ZBTB8A: variants seen among roughly 807,000 people sequenced by gnomAD.
The protein encoded by ZBTB8A is zinc finger and BTB domain-containing protein 8A.
A neutral mutation model predicts 37.8 loss-of-function variants in ZBTB8A; 19 were observed. The observed-to-expected ratio is 0.50, with a 90% confidence interval of 0.35 to 0.74. The LOEUF (loss-of-function observed/expected upper bound fraction) is 0.74, where lower values mean the gene tolerates loss of function less well. Among genes scored for constraint, ZBTB8A ranks in the 30% least tolerant of loss-of-function variants. The pLI is 0.01. For synonymous variants in ZBTB8A, 181 were observed against 185.2 expected (o/e 0.98, Z 0.19); for missense variants, 394 against 537.8 (o/e 0.73, Z 2.65).
chr1:32,589,107 A>G (rs1446884203), intron 2 of ZBTB8A, among the ~76,000 whole-genome samples: 1 of 152,140 alleles, frequency 6.6e-6, no homozygotes, highest in East Asian at 1.9e-4. Flanking sequence ...GTTCCAATGA[A>G]TTTTGTGTAA....
At chr1:32,562,379 C>T (rs57147998) in intron 2 of ZBTB8A, among the ~76,000 whole-genome samples, 3 of 151,868 alleles carry the variant, frequency 2.0e-5, no homozygotes, top group African/African-American at 7.3e-5. Context: ...TCAAGCAATT[C>T]TCCTGCCTCA....
chr1:32,551,179 C>T (rs1043768345), intron 1 of ZBTB8A, among the ~76,000 whole-genome samples: 6 of 152,134 alleles, frequency 3.9e-5, no homozygotes, highest in Admixed American at 1.3e-4. Flanking sequence ...GGCACAGTGG[C>T]TCATGCCTAT....
At chr1:32,578,816 C>T (rs996378861) in intron 2 of ZBTB8A, among the ~76,000 whole-genome samples, 12 of 152,048 alleles carry the variant, frequency 7.9e-5, no homozygotes, top group African/African-American at 1.7e-4. Flanking sequence ...TGGACTCAAG[C>T]GATCCTGCTG....
chr1:32,547,253 A>T lies in ZBTB8A; in HGVS notation c.-83-6206A>T, dbSNP rs554615769. 1.2e-3 allele frequency among the ~76,000 whole-genome samples: 184 copies of T among 152,172 alleles called. 2 individuals are homozygous for T. Among genetic ancestry groups the T allele is most frequent in the African/African-American group, 3.5e-3 (145 of 41,516 alleles). On this transcript the variant is annotated intron_variant, in intron 1 of 4. Transcript: ENST00000373510. ...GCAATGTATTTTTCATCACCAGAAG[A>T]TACCTCAGCAAACCAAACTAAGCCA... is the stretch of plus-strand genomic sequence containing the variant.
chr1:32,549,102 C>G (rs571538488), intron 1 of ZBTB8A, among the ~76,000 whole-genome samples: 39 of 152,200 alleles, frequency 2.6e-4, no homozygotes, highest in African/African-American at 9.4e-4. Flanking sequence ...GAGACAGAAT[C>G]GCTTGAACCC....
At chr1:32,552,697 T>C (rs1290430585) in intron 1 of ZBTB8A, among the ~76,000 whole-genome samples, 1 of 151,802 alleles carries the variant, frequency 6.6e-6, no homozygotes, top group Non-Finnish European at 1.5e-5. Context: ...AAAAAAGGAT[T>C]GCTTTTGATT....
intron 2 of ZBTB8A, among the ~76,000 whole-genome samples, chr1:32,590,391 C>T (rs1362964102): frequency 2.6e-5 from 4 of 152,062 alleles, no homozygotes; most frequent in Non-Finnish European, 5.9e-5. Flanking sequence ...TTTACCTTCT[C>T]CTTGGACATA....
chr1:32,594,161 T>G (rs1644511307), intron 3 of ZBTB8A, among the ~76,000 whole-genome samples: 1 of 148,928 alleles, frequency 6.7e-6, no homozygotes, highest in South Asian at 2.1e-4. Flanking sequence ...ACCACTGCAC[T>G]CCATCCTGGG....
rs35060623 is a variant in ZBTB8A at position 32,573,237 on chromosome 1, AT to A, written c.-1-19676del. Among the ~76,000 whole-genome samples the A allele has an allele frequency of 8.6e-3, 1,106 of 128,444 alleles. 7 individuals carry two copies. Among genetic ancestry groups the A allele is most frequent in the East Asian group, 0.05 (222 of 4,464 alleles). The allele number at this position is 128,444 out of a possible 152,430, so 84.3% of individuals were successfully genotyped here. ...AGGTGCGTGCCACCACACCCGGCTA[AT>A]TTTTTTTTTTTTTTTTTAGTAGAGA... On this transcript the variant is annotated intron_variant, in intron 2 of 4. Transcript: ENST00000373510.
rs1298095359 is a variant in ZBTB8A, at chr1:32,601,990, T to G, written c.*1571T>G. ...AACATTTTTGCTTCTCTTGTTTATA[T>G]AATATTTTCAAAACAAACTTTTCTC... On this transcript the variant is annotated 3_prime_UTR_variant, in exon 5 of 5. Transcript: ENST00000373510. 1 of 229,438 alleles carries G rather than the reference T, an allele frequency of 4.4e-6. No individual in the cohort carries two copies. The highest frequency in any genetic ancestry group is 8.4e-6 in the Non-Finnish European group (1 of 119,474). The allele number at this position is 229,438 out of a possible 1,614,324, so 14.2% of individuals were successfully genotyped here. A position where few individuals can be genotyped will look rare whatever the true frequency, so the allele number is the denominator to read the frequency against.
chr1:32,549,255 A>G (rs1644131464), intron 1 of ZBTB8A, among the ~76,000 whole-genome samples: 1 of 152,154 alleles, frequency 6.6e-6, no homozygotes, highest in Non-Finnish European at 1.5e-5. Flanking sequence ...GCACTTTGGG[A>G]GGCCGAGGCG....
At chr1:32,554,218 A>G (rs908911488) in intron 2 of ZBTB8A, among the ~76,000 whole-genome samples, 2 of 150,214 alleles carry the variant, frequency 1.3e-5, no homozygotes, top group Admixed American at 6.7e-5. Flanking sequence ...AAAAAAAAAA[A>G]GGGTAAAATT....
At chr1:32,563,840 G>C (rs1056146422) in intron 2 of ZBTB8A, among the ~76,000 whole-genome samples, 1 of 152,136 alleles carries the variant, frequency 6.6e-6, no homozygotes, top group African/African-American at 2.4e-5. Flanking sequence ...TCTCAAGCCA[G>C]AGGGGTTGAG....
intron 2 of ZBTB8A, among the ~76,000 whole-genome samples, chr1:32,570,645 A>T (rs1644316393): frequency 6.6e-6 from 1 of 152,172 alleles, no homozygotes; most frequent in African/African-American, 2.4e-5. Flanking sequence ...TTGACCCCTA[A>T]GCATTTTTGG....
At chr1:32,569,779 CTT>C (rs112388842) in intron 2 of ZBTB8A, among the ~76,000 whole-genome samples, 21 of 141,550 alleles carry the variant, frequency 1.5e-4, no homozygotes, top group Admixed American at 2.1e-4. Flanking sequence ...CATGCTATTT[CTT>C]TTTTTTTTTT....
chr1:32,546,313 G>A (rs1382479965), intron 1 of ZBTB8A, among the ~76,000 whole-genome samples: 4 of 152,008 alleles, frequency 2.6e-5, no homozygotes. Context: ...GTGTGGTGGT[G>A]CGTGCCTGTA....
Position 32,602,532 on chromosome 1 carries a change from A to G in ZBTB8A, c.*2113A>G, listed in dbSNP as rs72709927. 16,048 of 151,620 alleles carry G rather than the reference A, an allele frequency of 0.11. 1,533 individuals carry two copies. Among genetic ancestry groups the G allele is most frequent in the African/African-American group, 0.26 (10,671 of 41,276 alleles). The allele number at this position is 151,620 out of a possible 1,614,324, so 9.4% of individuals were successfully genotyped here. A position where few individuals can be genotyped will look rare whatever the true frequency, so the allele number is the denominator to read the frequency against. ...CACTGTATATGGAGAGGCTCCATCT[A>G]TTTTACTGTTTTCTTTTTTGTTTTT... is the stretch of plus-strand genomic sequence containing the variant. On this transcript the variant is annotated 3_prime_UTR_variant, in exon 5 of 5. Transcript: ENST00000373510.
In ZBTB8A at chr1:32,602,514, T is replaced by C. The variant is rs1644584389; in HGVS notation, c.*2095T>C. Reference sequence around the variant, plus strand: ...TGAAGCTTGATAGAATTTCACTGTATATGGAGAGGCTCCATCTATTTTACT... The same window carrying C: ...TGAAGCTTGATAGAATTTCACTGTACATGGAGAGGCTCCATCTATTTTACT... On this transcript the variant is annotated 3_prime_UTR_variant, in exon 5 of 5. Transcript: ENST00000373510. 6.6e-6 allele frequency: 1 copy of C among 152,176 alleles called. No individual in the cohort carries two copies. Among genetic ancestry groups the C allele is most frequent in the African/African-American group, 2.4e-5 (1 of 41,438 alleles). The allele number at this position is 152,176 out of a possible 1,614,324, so 9.4% of individuals were successfully genotyped here.
At chr1:32,585,202 G>C (rs1644438603) in intron 2 of ZBTB8A, among the ~76,000 whole-genome samples, 1 of 150,976 alleles carries the variant, frequency 6.6e-6, no homozygotes. Flanking sequence ...TTTTTGTAGA[G>C]ACAGTCTCCC....
Sources: gnomAD v4.1 joint callset for allele counts (sites outside exome capture counted in the v4.1 genomes callset) on GRCh38, gnomAD v4.1.1 for gene constraint, MANE v1.5 for transcripts, NCBI Gene and HGNC (gene_info 2026-07-23, HGNC 2026-07-21) for gene names.